The following ZFHX3 variants were observed in gnomAD, a reference collection of about 807,000 sequenced individuals.
The protein encoded by ZFHX3 is zinc finger homeobox protein 3.
Under a neutral mutation model 279.1 loss-of-function variants are expected in ZFHX3, and 42 were observed. The observed-to-expected ratio is 0.15, with a 90% CI of 0.12 to 0.19. The LOEUF (loss-of-function observed/expected upper bound fraction) is 0.19. Among genes scored for constraint, ZFHX3 ranks in the 10% least tolerant of loss-of-function variants. The pLI is 1.00. For missense variants in ZFHX3, 4,981 were observed against 4,754.0 expected (o/e 1.05, Z -1.40); for synonymous variants, 2,293 against 1,957.8 (o/e 1.17, Z -4.52).
chr16:73,159,254 T>A (rs1344273298), intron 5 of ZFHX3, among the ~76,000 whole-genome samples: 1 of 152,154 alleles, frequency 6.6e-6, no homozygotes, highest in East Asian at 1.9e-4. Flanking sequence ...ACCACTTCCT[T>A]TAGAAGAACG....
intron 2 of ZFHX3, among the ~76,000 whole-genome samples, chr16:73,509,905 A>G (rs1300618369): frequency 2.0e-5 from 3 of 152,152 alleles, no homozygotes; most frequent in Non-Finnish European, 4.4e-5. Context: ...CATGTTGGCC[A>G]GGCTGGTCTT....
intron 2 of ZFHX3, among the ~76,000 whole-genome samples, chr16:73,632,684 CAAAA>C (rs61449751): frequency 9.3e-6 from 1 of 107,334 alleles, no homozygotes. Flanking sequence ...GACTCTGTCT[CAAAA>C]AAAAAAAAAA....
At chr16:73,816,048 G>C (rs1169807629) in intron 1 of ZFHX3, 1 of 152,190 alleles carries the variant, frequency 6.6e-6, no homozygotes, top group Non-Finnish European at 1.5e-5. Context: ...AAATGGTAGA[G>C]ACTGTATTGG....
chr16:73,852,495 G>A (rs1961616182), intron 1 of ZFHX3, among the ~76,000 whole-genome samples: 1 of 152,122 alleles, frequency 6.6e-6, no homozygotes, highest in Admixed American at 6.5e-5. Flanking sequence ...TATTTTCTAT[G>A]TATGTCTTTG....
At chr16:73,303,534 G>A (rs2015107046) in intron 4 of ZFHX3, among the ~76,000 whole-genome samples, 1 of 152,054 alleles carries the variant, frequency 6.6e-6, no homozygotes, top group African/African-American at 2.4e-5. Flanking sequence ...TGGAGCCAAC[G>A]GCCTCAATGA....
At chr16:73,472,043 A>G (rs1031163087) in intron 2 of ZFHX3, among the ~76,000 whole-genome samples, 2 of 152,060 alleles carry the variant, frequency 1.3e-5, no homozygotes, top group African/African-American at 4.8e-5. Flanking sequence ...AGGCTGGTTC[A>G]CTTCACCTGG....
chr16:73,339,416 G>T (rs1345788851), intron 3 of ZFHX3, among the ~76,000 whole-genome samples: 1 of 152,224 alleles, frequency 6.6e-6, no homozygotes, highest in Non-Finnish European at 1.5e-5. Flanking sequence ...TCTACACAGA[G>T]GAGCTGCTCA....
intron 1 of ZFHX3, among the ~76,000 whole-genome samples, chr16:73,811,875 T>G (rs1470330610): frequency 6.6e-6 from 1 of 152,218 alleles, no homozygotes; most frequent in Non-Finnish European, 1.5e-5. Context: ...CAGGCCTCAC[T>G]TGGCTCTGAC....
intron 8 of ZFHX3, among the ~76,000 whole-genome samples, chr16:73,082,877 T>C (rs1420232026): frequency 6.6e-6 from 1 of 152,020 alleles, no homozygotes; most frequent in Non-Finnish European, 1.5e-5. Context: ...GGAAACAGTA[T>C]TTAAAACAAA....
chr16:73,084,977 A>G (rs936360491), intron 8 of ZFHX3, among the ~76,000 whole-genome samples: 4 of 152,210 alleles, frequency 2.6e-5, no homozygotes, highest in Admixed American at 6.5e-5. Flanking sequence ...GTACTACCCG[A>G]AGCAATTTAC....
chr16:72,838,523 A>C (rs1189669774), intron 4 of ZFHX3, among the ~76,000 whole-genome samples: 3 of 152,176 alleles, frequency 2.0e-5, no homozygotes, highest in Non-Finnish European at 4.4e-5. Context: ...GGCCTCCCCG[A>C]GAAAATTTCC....
chr16:73,254,802 G>A (rs978555156), intron 5 of ZFHX3, among the ~76,000 whole-genome samples: 2 of 152,094 alleles, frequency 1.3e-5, no homozygotes, highest in African/African-American at 4.8e-5. Flanking sequence ...TAACTGCAAG[G>A]TTTGTAAGAC....
chr16:73,071,465 G>A (rs1000353729), intron 8 of ZFHX3, among the ~76,000 whole-genome samples: 1 of 150,396 alleles, frequency 6.6e-6, no homozygotes, highest in African/African-American at 2.5e-5. Flanking sequence ...CTCTGCTGCT[G>A]CTGCTGCTGC....
chr16:72,948,266 C>T (rs931156637), intron 3 of ZFHX3, among the ~76,000 whole-genome samples: 11 of 152,198 alleles, frequency 7.2e-5, no homozygotes, highest in African/African-American at 1.4e-4. Flanking sequence ...GGGGATGTGC[C>T]GGCCAGATGC....
chr16:73,092,417 C>T (rs747533540), intron 8 of ZFHX3: 1 of 153,316 alleles, frequency 6.5e-6, no homozygotes, highest in Non-Finnish European at 1.4e-5. Flanking sequence ...TTGTTTCCAT[C>T]CAAACCTTGC....
intron 2 of ZFHX3, among the ~76,000 whole-genome samples, chr16:73,480,503 G>T (rs551075508): frequency 6.6e-6 from 1 of 152,302 alleles, no homozygotes; most frequent in African/African-American, 2.4e-5. Context: ...TTCCTGGGTG[G>T]TAAGTCTCTG....
chr16:73,057,279 A>G (rs2144736377), intron 1 of ZFHX3, among the ~76,000 whole-genome samples: 1 of 152,364 alleles, frequency 6.6e-6, no homozygotes, highest in Non-Finnish European at 1.5e-5. Flanking sequence ...TCTGAGCAAC[A>G]GCTTCACTCG....
chr16:73,453,834 A>C (rs2018323799), intron 3 of ZFHX3, among the ~76,000 whole-genome samples: 2 of 152,206 alleles, frequency 1.3e-5, no homozygotes, highest in Non-Finnish European at 2.9e-5. Context: ...ACGTCTTTGT[A>C]AAACCATCAG....
intron 4 of ZFHX3, among the ~76,000 whole-genome samples, chr16:73,265,759 T>C (rs929921884): frequency 6.6e-6 from 1 of 152,174 alleles, no homozygotes; most frequent in African/African-American, 2.4e-5. Context: ...GGCATTTGTA[T>C]AAAAATGGCT....
Sources: gnomAD v4.1 joint callset for allele counts (sites outside exome capture counted in the v4.1 genomes callset) on GRCh38, gnomAD v4.1.1 for gene constraint, MANE v1.5 for transcripts, NCBI Gene and HGNC (gene_info 2026-07-23, HGNC 2026-07-21) for gene names.